RBFOX1: variants seen among roughly 807,000 people sequenced by gnomAD.
The protein encoded by RBFOX1 is RNA binding protein fox-1 homolog 1.
RBFOX1 carries 8 observed loss-of-function variants against 57.7 expected under a neutral mutation model. The observed-to-expected ratio is 0.14, with a 90% confidence interval of 0.08 to 0.25. RBFOX1 has a LOEUF of 0.25. Among genes scored for constraint, RBFOX1 ranks in the 10% least tolerant of loss-of-function variants. RBFOX1 has a pLI of 1.00. For synonymous variants in RBFOX1, 326 were observed against 222.4 expected (o/e 1.47, Z -4.15); for missense variants, 611 against 548.5 (o/e 1.11, Z -1.14).
At chr16:6,625,045 A>G (rs962047129) in intron 2 of RBFOX1, among the ~76,000 whole-genome samples, 1 of 150,720 alleles carries the variant, frequency 6.6e-6, no homozygotes, top group Non-Finnish European at 1.5e-5. Context: ...CAGGCTTATA[A>G]TCCCAGCTGT....
exon 3 of RBFOX1, chr16:5,599,364 C>T (rs945049210): frequency 8.3e-6 from 5 of 605,098 alleles, no homozygotes; most frequent in Non-Finnish European, 1.5e-5. Context: ...GGAATGCTTA[C>T]TGAGTGCTCT....
At chr16:5,879,798 T>C (rs1045515639) in intron 4 of RBFOX1, among the ~76,000 whole-genome samples, 3 of 152,186 alleles carry the variant, frequency 2.0e-5, no homozygotes, top group Non-Finnish European at 4.4e-5. Flanking sequence ...CAGTACAGGA[T>C]GCTTCTCTCT....
intron 4 of RBFOX1, among the ~76,000 whole-genome samples, chr16:7,264,556 G>A (rs1473516939): frequency 1.3e-5 from 2 of 152,194 alleles, no homozygotes; most frequent in African/African-American, 4.8e-5. Context: ...ATCTGGTATT[G>A]TGGCAGAAAG....
intron 1 of RBFOX1, among the ~76,000 whole-genome samples, chr16:6,299,277 A>C (rs1011212232): frequency 1.1e-4 from 17 of 152,224 alleles, no homozygotes; most frequent in African/African-American, 4.1e-4. Flanking sequence ...TCCTCAGAGG[A>C]TGATAAATAA....
chr16:6,239,670 G>C (rs1487896723), intron 1 of RBFOX1, among the ~76,000 whole-genome samples: 1 of 151,612 alleles, frequency 6.6e-6, no homozygotes, highest in Non-Finnish European at 1.5e-5. Flanking sequence ...GCTAATTTTT[G>C]TGTTTTTAGT....
rs141766179 is a variant in RBFOX1 at position 5,916,034 on chromosome 16, G to A, written c.351+48699G>A. ...GCCTTCACAGCAGCTAGTAATGCCT[G>A]TCCCCTGGTAGCTATAAGATTGGAT... On this transcript the variant is annotated intron_variant, in intron 4 of 19. Transcript: ENST00000641259. 8.2e-3 allele frequency among the ~76,000 whole-genome samples: 1,250 copies of A among 152,220 alleles called. 11 individuals are homozygous for A. Among genetic ancestry groups the A allele is most frequent in the Middle Eastern group, 0.02 (6 of 294 alleles).
chr16:6,048,753 A>G (rs917960610), intron 1 of RBFOX1, among the ~76,000 whole-genome samples: 10 of 152,322 alleles, frequency 6.6e-5, no homozygotes, highest in Middle Eastern at 3.4e-3. Flanking sequence ...ATTAAAACCT[A>G]TAAGAGGTAG....
intron 3 of RBFOX1, among the ~76,000 whole-genome samples, chr16:6,810,139 TATGGAC>T (rs1162532284): frequency 2.0e-5 from 3 of 152,118 alleles, no homozygotes; most frequent in Non-Finnish European, 2.9e-5. Flanking sequence ...ATATGCCTCT[TATGGAC>T]AGGGATAGGG....
chr16:6,906,605 C>T lies in RBFOX1; in HGVS notation c.-15-145452C>T, dbSNP rs115285572. Among the ~76,000 whole-genome samples the T allele has an allele frequency of 3.3e-3, 505 of 152,142 alleles. 4 individuals carry two copies. The highest frequency in any genetic ancestry group is 0.012 in the African/African-American group (478 of 41,502). On this transcript the variant is annotated intron_variant, in intron 3 of 15. Transcript: ENST00000550418. ...ACATCAGTAGTGTTTCCAGTAAATC[C>T]TGATAGGTTTGGATTTCCTTGAGGA...
At chr16:6,543,470 G>T (rs1186229963) in intron 2 of RBFOX1, among the ~76,000 whole-genome samples, 1 of 152,156 alleles carries the variant, frequency 6.6e-6, no homozygotes, top group East Asian at 1.9e-4. Flanking sequence ...ACTCTGACAT[G>T]TGGCTCAGTT....
chr16:6,957,653 T>C (rs2082152534), intron 3 of RBFOX1, among the ~76,000 whole-genome samples: 1 of 152,178 alleles, frequency 6.6e-6, no homozygotes, highest in South Asian at 2.1e-4. Context: ...GCCGACATCC[T>C]GTCTCATCTT....
chr16:5,719,071 A>C (rs983864453), intron 3 of RBFOX1, among the ~76,000 whole-genome samples: 1 of 152,204 alleles, frequency 6.6e-6, no homozygotes. Context: ...AAGTCAGTAA[A>C]AGTTAACTGT....
chr16:6,035,237 C>G (rs1362281015), intron 1 of RBFOX1, among the ~76,000 whole-genome samples: 1 of 152,190 alleles, frequency 6.6e-6, no homozygotes, highest in African/African-American at 2.4e-5. Flanking sequence ...GCATCTGTAG[C>G]ATAACACCAG....
intron 3 of RBFOX1, among the ~76,000 whole-genome samples, chr16:6,859,138 T>C (rs573179492): frequency 1.9e-5 from 2 of 102,990 alleles, no homozygotes; most frequent in African/African-American, 4.3e-5. Flanking sequence ...TACATATATA[T>C]ACGTATATAT....
At chr16:5,619,487 C>A (rs1009842284) in intron 3 of RBFOX1, among the ~76,000 whole-genome samples, 11 of 152,182 alleles carry the variant, frequency 7.2e-5, no homozygotes, top group African/African-American at 2.7e-4. Context: ...CACTCACAAT[C>A]CAGGTTGTTA....
chr16:5,744,496 A>G (rs1254549575), intron 3 of RBFOX1, among the ~76,000 whole-genome samples: 1 of 152,134 alleles, frequency 6.6e-6, no homozygotes, highest in African/African-American at 2.4e-5. Context: ...ATCATCGGTC[A>G]TTGTGTCTCT....
chr16:5,874,267 G>A (rs2057548727), intron 4 of RBFOX1, among the ~76,000 whole-genome samples: 1 of 152,188 alleles, frequency 6.6e-6, no homozygotes, highest in South Asian at 2.1e-4. Flanking sequence ...TTGATTCAAG[G>A]GATCAATGGT....
chr16:7,341,544 C>T (rs1051924748), intron 4 of RBFOX1, among the ~76,000 whole-genome samples: 2 of 152,078 alleles, frequency 1.3e-5, no homozygotes, highest in African/African-American at 4.8e-5. Flanking sequence ...GAGTCTCCAC[C>T]CCACTGACCG....
chr16:5,814,935 C>CAAAAAGAAA (rs1241744483), intron 3 of RBFOX1, among the ~76,000 whole-genome samples: 2 of 148,326 alleles, frequency 1.3e-5, no homozygotes, highest in Non-Finnish European at 3.0e-5. Flanking sequence ...GACTCCGTCT[C>CAAAAAGAAA]AAAAAGAAAA....
Sources: gnomAD v4.1 joint callset for allele counts (sites outside exome capture counted in the v4.1 genomes callset) on GRCh38, gnomAD v4.1.1 for gene constraint, MANE v1.5 for transcripts, NCBI Gene and HGNC (gene_info 2026-07-23, HGNC 2026-07-21) for gene names.